The following POLR3G variants were observed in gnomAD, a reference collection of about 807,000 sequenced individuals.
POLR3G encodes DNA-directed RNA polymerase III subunit RPC7.
A neutral mutation model predicts 30.1 loss-of-function variants in POLR3G; 28 were observed. The observed-to-expected ratio is 0.93, with a 90% CI of 0.69 to 1.27. The LOEUF (loss-of-function observed/expected upper bound fraction) is 1.27, where lower values mean the gene tolerates loss of function less well. Among genes scored for constraint, POLR3G ranks in the 50% most tolerant of loss-of-function variants. The pLI is 0.00. For missense variants in POLR3G, 254 were observed against 264.6 expected (o/e 0.96, Z 0.28); for synonymous variants, 79 against 82.5 (o/e 0.96, Z 0.23).
At chr5:90,478,511 A>C (rs978908021) in intron 1 of POLR3G, among the ~76,000 whole-genome samples, 1 of 148,232 alleles carries the variant, frequency 6.7e-6, no homozygotes, top group African/African-American at 2.5e-5. Context: ...GTAATCAAGT[A>C]ACCGCTTAGG....
chr5:90,474,444 G>A (rs542140191), upstream of POLR3G: 350 of 685,440 alleles, frequency 5.1e-4, no homozygotes, highest in Middle Eastern at 7.6e-4. Context: ...TGCGGGGGTC[G>A]GAATAGGAGG....
chr5:90,505,467 T>C (rs1424970552), intron 6 of POLR3G, among the ~76,000 whole-genome samples: 1 of 152,234 alleles, frequency 6.6e-6, no homozygotes, highest in Admixed American at 6.5e-5. Flanking sequence ...GTAGTCATAA[T>C]AGAAATACAA....
At chr5:90,478,498 T>C (rs1750949299) in intron 1 of POLR3G, among the ~76,000 whole-genome samples, 1 of 150,922 alleles carries the variant, frequency 6.6e-6, no homozygotes, top group African/African-American at 2.4e-5. Context: ...TTTGCGTCTT[T>C]AGGTAATCAA....
chr5:90,481,733 G>A (rs1327620075), intron 1 of POLR3G, among the ~76,000 whole-genome samples: 1 of 152,132 alleles, frequency 6.6e-6, no homozygotes, highest in Non-Finnish European at 1.5e-5. Flanking sequence ...TTTATATCTT[G>A]ATTTGAACAA....
intron 7 of POLR3G, among the ~76,000 whole-genome samples, chr5:90,510,391 A>AT (rs1337491447): frequency 1.3e-5 from 2 of 152,178 alleles, no homozygotes; most frequent in Non-Finnish European, 2.9e-5. Flanking sequence ...AGAAAAAAAA[A>AT]AAAGATTACT....
chr5:90,510,115 G>A (rs555309112), intron 7 of POLR3G, among the ~76,000 whole-genome samples: 2 of 152,266 alleles, frequency 1.3e-5, no homozygotes, highest in East Asian at 3.9e-4. Context: ...CAATACTCTA[G>A]ACAAGACTGG....
At chr5:90,503,684 C>T (rs1305645663) in intron 6 of POLR3G, among the ~76,000 whole-genome samples, 5 of 149,198 alleles carry the variant, frequency 3.4e-5, no homozygotes, top group Non-Finnish European at 5.9e-5. Context: ...TCCCAGATGA[C>T]TTTCTTATTG....
intron 3 of POLR3G, among the ~76,000 whole-genome samples, chr5:90,489,595 G>T (rs250372): frequency 0.68 from 103,299 of 151,446 alleles, 35,796 homozygotes; most frequent in African/African-American, 0.81. Flanking sequence ...CTCTCATGAT[G>T]ATGTTGCATG....
chr5:90,512,057 A>G lies in POLR3G; in HGVS notation c.590A>G (p.Asn197Ser). Residue 197 changes from asparagine to serine, a missense_variant, in exon 8 of 8, where the codon AAT (asparagine) becomes AGT (serine). Transcript: ENST00000651687. ...GGAATATATCATTTCACTTAGGAAA[A>G]TGACTACATTAATTCATACTTTGAA... ...EYDEEEQEEE[N>S]DYINSYFEDG... 6.3e-7 allele frequency: 1 copy of G among 1,592,784 alleles called. No homozygotes were observed. Among genetic ancestry groups the G allele is most frequent in the Non-Finnish European group, 8.6e-7 (1 of 1,160,890 alleles).
intron 1 of POLR3G, among the ~76,000 whole-genome samples, chr5:90,478,758 G>A (rs1750975072): frequency 6.6e-6 from 1 of 151,202 alleles, no homozygotes; most frequent in Non-Finnish European, 1.5e-5. Context: ...GGCCGAGGAG[G>A]GCAGATCACG....
At chr5:90,486,161 A>G (rs1174190623) in intron 2 of POLR3G, among the ~76,000 whole-genome samples, 1 of 152,196 alleles carries the variant, frequency 6.6e-6, no homozygotes, top group Non-Finnish European at 1.5e-5. Flanking sequence ...TTTAGTGAGT[A>G]TGCTGCAAGC....
intron 3 of POLR3G, among the ~76,000 whole-genome samples, chr5:90,489,611 G>A (rs1030087003): frequency 2.6e-5 from 4 of 152,010 alleles, no homozygotes; most frequent in East Asian, 1.9e-4. Flanking sequence ...GCATGCTTTC[G>A]TCTGTTTGAG....
At chr5:90,510,841 T>A (rs1429790647) in intron 7 of POLR3G, among the ~76,000 whole-genome samples, 2 of 148,980 alleles carry the variant, frequency 1.3e-5, no homozygotes, top group South Asian at 2.1e-4. Flanking sequence ...ATTATGTAAA[T>A]ATATTAAAAA....
chr5:90,487,686 C>T (rs558079537), intron 2 of POLR3G, among the ~76,000 whole-genome samples: 5 of 152,186 alleles, frequency 3.3e-5, no homozygotes, highest in Admixed American at 6.5e-5. Context: ...CCACCATGCA[C>T]GGCCTGGTAC....
At position 90,512,863 on chromosome 5, in the gene POLR3G, T is replaced by G. The variant is rs1752801105; in HGVS notation, c.*724T>G. 6.6e-6 allele frequency: 1 copy of G among 152,152 alleles called. No homozygotes were observed. Among genetic ancestry groups the G allele is most frequent in the South Asian group, 2.1e-4 (1 of 4,828 alleles). The allele number at this position is 152,152 out of a possible 1,614,324, so 9.4% of individuals were successfully genotyped here. On this transcript the variant is annotated 3_prime_UTR_variant, in exon 8 of 8. Coordinates refer to ENST00000651687, the MANE Select transcript of POLR3G (RefSeq NM_006467.3). Reference sequence around the variant, plus strand: ...GTAATAACTGACATCTTCAAATAGTTGGGCTTATGAAAAATTTGACTAAGA... The same window carrying G: ...GTAATAACTGACATCTTCAAATAGTGGGGCTTATGAAAAATTTGACTAAGA...
chr5:90,483,734 T>C (rs1402378615), intron 1 of POLR3G, among the ~76,000 whole-genome samples: 10 of 151,974 alleles, frequency 6.6e-5, no homozygotes, highest in Non-Finnish European at 1.5e-5. Context: ...GGGAGGGAGG[T>C]TGCAGTGAAA....
At chr5:90,506,124 G>T (rs1752473937) in intron 6 of POLR3G, among the ~76,000 whole-genome samples, 1 of 152,050 alleles carries the variant, frequency 6.6e-6, no homozygotes, top group Non-Finnish European at 1.5e-5. Context: ...AGCTACGCAG[G>T]AAGCTCAAGC....
chr5:90,498,057 C>G (rs369793116), intron 5 of POLR3G, among the ~76,000 whole-genome samples: 30 of 152,128 alleles, frequency 2.0e-4, no homozygotes, highest in African/African-American at 7.0e-4. Flanking sequence ...CTGCAATTAG[C>G]CTAAACTGCA....
chr5:90,501,868 G>C (rs1430017214), intron 5 of POLR3G, 38 bp from the exon 6 acceptor site: 8 of 1,605,870 alleles, frequency 5.0e-6, no homozygotes, highest in Non-Finnish European at 6.8e-6. Flanking sequence ...CAGAGTTGCA[G>C]TTGCAGAAAA....
Sources: gnomAD v4.1 joint callset for allele counts (sites outside exome capture counted in the v4.1 genomes callset) on GRCh38, gnomAD v4.1.1 for gene constraint, MANE v1.5 for transcripts, NCBI Gene and HGNC (gene_info 2026-07-23, HGNC 2026-07-21) for gene names.